CATSPER3: variants seen among roughly 807,000 people sequenced by gnomAD.
The protein encoded by CATSPER3 is cation channel sperm-associated protein 3.
A neutral mutation model predicts 36.6 loss-of-function variants in CATSPER3; 23 were observed. The ratio of observed to expected loss-of-function variants is 0.63; its 90% CI spans 0.45 to 0.89. The LOEUF (loss-of-function observed/expected upper bound fraction) is 0.89, where lower values mean the gene tolerates loss of function less well. Ranked by LOEUF, CATSPER3 falls within the 40% of genes least tolerant of loss-of-function variation. The pLI, the probability that CATSPER3 is intolerant of heterozygous loss-of-function variation, is 0.00. For synonymous variants in CATSPER3, 172 were observed against 184.1 expected, an observed-to-expected ratio of 0.93 and a Z score of 0.53; for missense variants, 474 against 503.9, an observed-to-expected ratio of 0.94 and a Z score of 0.57.
chr5:134,982,751 TAAAG>T (rs935380365), intron 2 of CATSPER3, among the ~76,000 whole-genome samples: 5 of 152,256 alleles, frequency 3.3e-5, no homozygotes, highest in Non-Finnish European at 7.4e-5. Context: ...TACAAAGAAA[TAAAG>T]AACTTGGGTA....
Position 135,009,457 on chromosome 5 carries a change from G to C in CATSPER3, c.903G>C (p.Gln301His). 1 of 1,613,326 alleles carries C rather than the reference G, an allele frequency of 6.2e-7. No individual in the cohort carries two copies. The highest frequency in any genetic ancestry group is 8.5e-7 in the Non-Finnish European group (1 of 1,179,584). ...MGEKQVILQR[Q>H]QEEISRLMHI... The stretch of plus-strand genomic sequence containing the variant: ...AGAAGCAGGTGATTCTGCAGCGGCA[G>C]CAGGAGGAGATCAGCAGGCTGATGC... The change falls in exon 6 of 8, where the codon CAG becomes CAC. Residue 301 changes from glutamine (Q) to histidine (H), a missense_variant. Physicochemically the swap from Gln to His is conservative, Grantham distance 24 (BLOSUM62 0). Coordinates refer to ENST00000282611, the MANE Select transcript of CATSPER3 (RefSeq NM_178019.3).
intron 2 of CATSPER3, among the ~76,000 whole-genome samples, chr5:134,985,746 A>T (rs1358513505): frequency 2.9e-5 from 4 of 137,310 alleles, no homozygotes; most frequent in Non-Finnish European, 6.6e-5. Context: ...CCCATCTATT[A>T]AAAAAAAAAA....
chr5:134,968,182 A>C, intron 1 of CATSPER3, 93 bp downstream of exon 1: 1 of 883,938 alleles, frequency 1.1e-6, no homozygotes, highest in South Asian at 1.4e-5. Context: ...CTTCCCTCAG[A>C]TACTCGTCTG....
chr5:135,003,776 G>A (rs1046622796), intron 3 of CATSPER3, among the ~76,000 whole-genome samples: 5 of 152,238 alleles, frequency 3.3e-5, no homozygotes, highest in African/African-American at 1.2e-4. Flanking sequence ...TAATCTCCTG[G>A]TGTGCCATTT....
chr5:134,999,156 T>C (rs1751990018), intron 3 of CATSPER3, among the ~76,000 whole-genome samples: 3 of 152,062 alleles, frequency 2.0e-5, no homozygotes, highest in Non-Finnish European at 4.4e-5. Flanking sequence ...CCCAGCACCA[T>C]TTATTAAATA....
rs1029175746 is a variant in CATSPER3, at chr5:135,002,760, G to A, written c.493-5197G>A. ...TTGATTGAATCGGCTACTGAAGCTT[G>A]TGCATGCATCGCGTAGTTCTCGTAC... is the stretch of plus-strand genomic sequence containing the variant. On this transcript the variant is annotated intron_variant, in intron 3 of 7. Transcript: ENST00000282611. Among the ~76,000 whole-genome samples the A allele has an allele frequency of 2.0e-5, 3 of 152,316 alleles. No individual in the cohort carries two copies. In the South Asian group the frequency reaches 6.2e-4, roughly 32 times the overall value.
intron 2 of CATSPER3, among the ~76,000 whole-genome samples, chr5:134,984,353 A>G (rs1751783734): frequency 6.6e-6 from 1 of 152,248 alleles, no homozygotes; most frequent in South Asian, 2.1e-4. Context: ...AATGGGAGAA[A>G]ATATTTGCAA....
chr5:134,987,365 C>T (rs1479687718), intron 2 of CATSPER3, among the ~76,000 whole-genome samples: 1 of 152,126 alleles, frequency 6.6e-6, no homozygotes, highest in African/African-American at 2.4e-5. Flanking sequence ...CAAAGAAAAT[C>T]TCAGGACCAG....
intron 2 of CATSPER3, 79 bp downstream of exon 2, chr5:134,970,171 T>A: frequency 6.9e-7 from 1 of 1,442,248 alleles, no homozygotes; most frequent in South Asian, 1.2e-5. Flanking sequence ...GATTTTTTTT[T>A]TTTTCCGAGA....
intron 2 of CATSPER3, among the ~76,000 whole-genome samples, chr5:134,980,191 AG>A (rs1264047568): frequency 6.6e-6 from 1 of 151,816 alleles, no homozygotes; most frequent in East Asian, 1.9e-4. Context: ...TATGTTGCCT[AG>A]GCTGGCCTTG....
rs1233465635 is a variant in CATSPER3 at position 135,011,550 on chromosome 5, A to G, written c.1124A>G (p.His375Arg). 3.1e-6 allele frequency: 5 copies of G among 1,614,068 alleles called. No homozygotes were observed. The South Asian group carries it at 5.5e-5, about 18-fold the overall frequency. ...KLQELYYEIV[H>R]VLSLMLEDLP... is the part of the protein sequence containing the mutation. ...CAAGAGCTGTACTATGAGATCGTGC[A>G]TGTGCTGAGCCTAATGCTGGAAGAC... Residue 375 changes from histidine (H) to arginine (R), a missense_variant, in exon 8 of 8, where the codon CAT (histidine) becomes CGT (arginine). His to Arg is a conservative substitution (Grantham distance 29). Coordinates refer to ENST00000282611, the MANE Select transcript of CATSPER3 (RefSeq NM_178019.3).
At chr5:135,008,258 C>A in intron 4 of CATSPER3, 119 bp downstream of exon 4, 1 of 832,418 alleles carries the variant, frequency 1.2e-6, no homozygotes. Context: ...AGGTACTCAT[C>A]TGGGCCTAGG....
At chr5:135,006,290 A>T in intron 3 of CATSPER3, among the ~76,000 whole-genome samples, 1 of 152,166 alleles carries the variant, frequency 6.6e-6, no homozygotes. Context: ...GCTGCTCTAA[A>T]GGTTGCTCAG....
intron 3 of CATSPER3, among the ~76,000 whole-genome samples, chr5:135,006,888 C>T (rs558142010): frequency 1.3e-5 from 2 of 150,954 alleles, no homozygotes; most frequent in South Asian, 4.2e-4. Context: ...AGCTGTTTTG[C>T]AATTAATCCA....
At chr5:135,007,277 C>A (rs1307245858) in intron 3 of CATSPER3, among the ~76,000 whole-genome samples, 1 of 152,174 alleles carries the variant, frequency 6.6e-6, no homozygotes, top group African/African-American at 2.4e-5. Context: ...CACCTACCTA[C>A]CTTGAGGTTA....
chr5:134,988,220 C>G (rs1394849576), intron 2 of CATSPER3, among the ~76,000 whole-genome samples: 2 of 152,222 alleles, frequency 1.3e-5, no homozygotes, highest in African/African-American at 4.8e-5. Context: ...GAGCCTTCAG[C>G]AAGACATAAT....
chr5:134,988,247 G>C (rs1402563011), intron 2 of CATSPER3, among the ~76,000 whole-genome samples: 1 of 152,188 alleles, frequency 6.6e-6, no homozygotes, highest in African/African-American at 2.4e-5. Flanking sequence ...GCTGGTGGAG[G>C]GTCTTGCCTT....
At position 134,967,913 on chromosome 5, in the gene CATSPER3, C is replaced by T. The variant is rs553248177; in HGVS notation, c.-79C>T. ...CCCTTCTCTGCTGCCTCTCAGAATC[C>T]AGACGCTAAGGAAAATCCCTAAGCA... On this transcript the variant is annotated 5_prime_UTR_variant, in exon 1 of 8. Transcript: ENST00000282611. The T allele has an allele frequency of 3.7e-5, 40 of 1,087,318 alleles. No individual in the cohort carries two copies. The highest frequency in any genetic ancestry group is 5.2e-5 in the Non-Finnish European group (37 of 708,644). 67.4% of individuals were successfully genotyped at this position (1,087,318 alleles called of 1,614,324 possible).
chr5:134,969,795 A>G (rs1245125025), intron 1 of CATSPER3, 144 bp from the exon 2 acceptor site: 4 of 834,474 alleles, frequency 4.8e-6, no homozygotes, highest in Non-Finnish European at 8.0e-6. Flanking sequence ...TTTATTCAAC[A>G]TCTCATTGCT....
Sources: gnomAD v4.1 joint callset for allele counts (sites outside exome capture counted in the v4.1 genomes callset) on GRCh38, gnomAD v4.1.1 for gene constraint, MANE v1.5 for transcripts, NCBI Gene and HGNC (gene_info 2026-07-23, HGNC 2026-07-21) for gene names.